The following TLL2 variants were observed in gnomAD, a reference collection of about 807,000 sequenced individuals.
TLL2 encodes tolloid like 2, also known as tolloid-like protein 2.
In TLL2, 106 loss-of-function variants were observed where a neutral mutation model predicts 123.0. That is an observed-to-expected ratio of 0.86 (90% CI 0.74 to 1.01). The LOEUF is 1.01. Among genes scored for constraint, TLL2 ranks in the 50% least tolerant of loss-of-function variants. The pLI is 0.00. For missense variants in TLL2, 1,332 were observed against 1,336.7 expected, an observed-to-expected ratio of 1.00 and a Z score of 0.06; for synonymous variants, 494 against 516.8, an observed-to-expected ratio of 0.96 and a Z score of 0.60.
At chr10:96,472,624 C>T (rs1407168429) in intron 2 of TLL2, among the ~76,000 whole-genome samples, 2 of 151,914 alleles carry the variant, frequency 1.3e-5, no homozygotes, top group Admixed American at 6.6e-5. Flanking sequence ...TAGCCAGGCA[C>T]GGTGACATGT....
intron 1 of TLL2, among the ~76,000 whole-genome samples, chr10:96,500,192 C>T (rs1220378612): frequency 6.7e-6 from 1 of 149,806 alleles, no homozygotes; most frequent in African/African-American, 2.5e-5. Context: ...GTGGTGCACA[C>T]CTATAGTCCC....
chr10:96,466,968 T>C (rs1178421747), intron 2 of TLL2, among the ~76,000 whole-genome samples: 1 of 152,192 alleles, frequency 6.6e-6, no homozygotes, highest in Non-Finnish European at 1.5e-5. Context: ...AGGTCTGTCA[T>C]GTCATAGGTA....
At chr10:96,493,525 C>T (rs2134110539) in intron 1 of TLL2, among the ~76,000 whole-genome samples, 2 of 152,192 alleles carry the variant, frequency 1.3e-5, no homozygotes, top group African/African-American at 2.4e-5. Context: ...GGGGCCCAGC[C>T]ATGCGGACTG....
intron 10 of TLL2, among the ~76,000 whole-genome samples, 174 bp downstream of exon 10, chr10:96,405,058 G>A (rs538047803): frequency 5.3e-5 from 8 of 152,136 alleles, no homozygotes; most frequent in African/African-American, 1.4e-4. Flanking sequence ...AAGGGTATTC[G>A]CAGTTTTAAA....
intron 1 of TLL2, among the ~76,000 whole-genome samples, chr10:96,492,779 G>A (rs1032499258): frequency 1.3e-5 from 2 of 152,196 alleles, no homozygotes; most frequent in African/African-American, 4.8e-5. Flanking sequence ...CCAAGAGAAA[G>A]ACTGGGAATG....
intron 19 of TLL2, among the ~76,000 whole-genome samples, chr10:96,371,738 C>G (rs533779268): frequency 6.6e-6 from 1 of 152,324 alleles, no homozygotes; most frequent in African/African-American, 2.4e-5. Flanking sequence ...TGAGACAGAC[C>G]CCTGGCCTAC....
chr10:96,419,492 C>G (rs1846598826), intron 7 of TLL2, among the ~76,000 whole-genome samples: 2 of 152,144 alleles, frequency 1.3e-5, no homozygotes, highest in Admixed American at 1.3e-4. Flanking sequence ...TTCATCACAC[C>G]ATGTTTCTTT....
chr10:96,393,224 A>C lies in TLL2; in HGVS notation c.1726+1963T>G, dbSNP rs563798263. Among the ~76,000 whole-genome samples the C allele has an allele frequency of 5.3e-4, 81 of 152,360 alleles. 1 individual carries two copies. Among genetic ancestry groups the C allele is most frequent in the Middle Eastern group, 6.8e-3 (2 of 294 alleles). Reference sequence around the variant, plus strand: ...CACAACTGTAGGATAATAAGTGTGCATTGTTTTAAGCCACCAAGCCTGTGG... The same window carrying C: ...CACAACTGTAGGATAATAAGTGTGCCTTGTTTTAAGCCACCAAGCCTGTGG... On this transcript the variant is annotated intron_variant, in intron 13 of 20. Coordinates refer to ENST00000357947, the MANE Select transcript of TLL2 (RefSeq NM_012465.4).
chr10:96,431,833 T>C (rs1409743963), intron 4 of TLL2, among the ~76,000 whole-genome samples: 1 of 152,018 alleles, frequency 6.6e-6, no homozygotes, highest in African/African-American at 2.4e-5. Context: ...ATGTGTCCCT[T>C]GACATAAGAC....
chr10:96,493,551 G>A (rs976617391), intron 1 of TLL2, among the ~76,000 whole-genome samples: 1 of 152,136 alleles, frequency 6.6e-6, no homozygotes, highest in East Asian at 1.9e-4. Context: ...GACAGTGAGG[G>A]TAAGGCAGGA....
chr10:96,474,277 A>G (rs1169427723), intron 2 of TLL2, among the ~76,000 whole-genome samples: 3 of 152,170 alleles, frequency 2.0e-5, no homozygotes, highest in Non-Finnish European at 2.9e-5. Flanking sequence ...GAATGGGCCC[A>G]TCGGAGAATG....
intron 1 of TLL2, among the ~76,000 whole-genome samples, chr10:96,490,635 G>A (rs1473096039): frequency 1.3e-5 from 2 of 152,182 alleles, no homozygotes; most frequent in African/African-American, 4.8e-5. Flanking sequence ...AAATCAACAA[G>A]TGGACTGAAC....
chr10:96,458,803 A>C (rs1015742974), intron 2 of TLL2, among the ~76,000 whole-genome samples: 3 of 152,014 alleles, frequency 2.0e-5, no homozygotes, highest in Non-Finnish European at 1.5e-5. Context: ...GTCAATAGAA[A>C]GGAAAATTTG....
At chr10:96,377,593 C>T (rs1846149610) in intron 17 of TLL2, among the ~76,000 whole-genome samples, 1 of 152,206 alleles carries the variant, frequency 6.6e-6, no homozygotes, top group African/African-American at 2.4e-5. Context: ...GGGACTCGAA[C>T]TTGGCCTGCC....
intron 4 of TLL2, 111 bp downstream of exon 4, chr10:96,432,696 G>T: frequency 7.2e-7 from 1 of 1,388,992 alleles, no homozygotes; most frequent in Admixed American, 2.2e-5. Flanking sequence ...TAGGCCTGCT[G>T]TGGTCCCTAA....
rs1006278104 is a variant in TLL2, at chr10:96,403,986, C to T, written c.1267+1246G>A. 5.3e-5 allele frequency among the ~76,000 whole-genome samples: 8 copies of T among 152,102 alleles called. No individual in the cohort carries two copies. The East Asian group carries it at 1.2e-3, about 22-fold the overall frequency. ...TACCTTCCCTTGAACTTAATTATGA[C>T]ATAGATTCTTTTGCTCACATGTTTG... On this transcript the variant is annotated intron_variant, in intron 10 of 20. Transcript: ENST00000357947.
chr10:96,396,470 T>C (rs1846342077), intron 11 of TLL2, among the ~76,000 whole-genome samples: 1 of 152,076 alleles, frequency 6.6e-6, no homozygotes, highest in East Asian at 1.9e-4. Context: ...TTACTTATTT[T>C]ACAAAGACAA....
At chr10:96,424,931 A>AT (rs1846664923) in intron 5 of TLL2, among the ~76,000 whole-genome samples, 3 of 147,836 alleles carry the variant, frequency 2.0e-5, no homozygotes, top group South Asian at 4.3e-4. Context: ...TCTTTCTTCC[A>AT]TTTTTTTCTT....
intron 16 of TLL2, among the ~76,000 whole-genome samples, chr10:96,383,104 A>G (rs1846200700): frequency 6.6e-6 from 1 of 152,176 alleles, no homozygotes; most frequent in East Asian, 1.9e-4. Flanking sequence ...TGATCAGAGC[A>G]CAGGGCACCT....
Sources: gnomAD v4.1 joint callset for allele counts (sites outside exome capture counted in the v4.1 genomes callset) on GRCh38, gnomAD v4.1.1 for gene constraint, MANE v1.5 for transcripts, NCBI Gene and HGNC (gene_info 2026-07-23, HGNC 2026-07-21) for gene names.